Variants in AK4 observed in about 807,000 individuals in gnomAD.
The protein encoded by AK4 is adenylate kinase 4, also known as adenylate kinase 4, mitochondrial.
AK4 carries 13 observed loss-of-function variants against 24.6 expected under a neutral mutation model. The ratio of observed to expected loss-of-function variants is 0.53; its 90% CI spans 0.34 to 0.84. The LOEUF (loss-of-function observed/expected upper bound fraction) is 0.84, where lower values mean the gene tolerates loss of function less well. AK4 is among the 40% of genes least tolerant of loss of function. The pLI, the probability that AK4 is intolerant of heterozygous loss-of-function variation, is 0.01. For missense variants in AK4, 192 were observed against 288.2 expected (o/e 0.67, Z 2.42); for synonymous variants, 88 against 107.0 (o/e 0.82, Z 1.10).
intron 1 of AK4, among the ~76,000 whole-genome samples, chr1:65,182,150 G>A (rs1347835794): frequency 5.9e-5 from 9 of 152,102 alleles, no homozygotes; most frequent in East Asian, 5.8e-4. Context: ...CAAACTCCTG[G>A]CCTCAAGGGA....
intron 1 of AK4, among the ~76,000 whole-genome samples, chr1:65,179,562 G>T (rs796275287): frequency 5.3e-5 from 8 of 152,312 alleles, no homozygotes; most frequent in African/African-American, 1.9e-4. Flanking sequence ...GAATCGGCCA[G>T]GTGTGGTGGC....
intron 2 of AK4, among the ~76,000 whole-genome samples, chr1:65,218,320 C>T (rs569885722): frequency 6.6e-6 from 1 of 152,136 alleles, no homozygotes; most frequent in Non-Finnish European, 1.5e-5. Context: ...TGTAACTTGC[C>T]TGAGGTGACA....
At chr1:65,199,592 T>G (rs1053591487) in intron 2 of AK4, among the ~76,000 whole-genome samples, 3 of 152,112 alleles carry the variant, frequency 2.0e-5, no homozygotes, top group Non-Finnish European at 2.9e-5. Context: ...ACCAGATAAC[T>G]GTAACAGTGT....
chr1:65,166,174 A>G (rs969870156), intron 1 of AK4, among the ~76,000 whole-genome samples: 2 of 152,090 alleles, frequency 1.3e-5, no homozygotes, highest in Non-Finnish European at 2.9e-5. Context: ...GTCTGTGTAA[A>G]ATGCCTGGCA....
chr1:65,194,060 C>T (rs1651394463), intron 2 of AK4, among the ~76,000 whole-genome samples: 1 of 152,280 alleles, frequency 6.6e-6, no homozygotes, highest in East Asian at 1.9e-4. Flanking sequence ...CATTGCACTC[C>T]AGCCTGGATG....
At chr1:65,183,245 C>G (rs183560249) in intron 1 of AK4, among the ~76,000 whole-genome samples, 1 of 151,384 alleles carries the variant, frequency 6.6e-6, no homozygotes, top group Admixed American at 6.6e-5. Flanking sequence ...TTTATTTTTT[C>G]TTTCCTTTGT....
chr1:65,159,213 G>A (rs1487136104), intron 1 of AK4, among the ~76,000 whole-genome samples: 1 of 152,170 alleles, frequency 6.6e-6, no homozygotes, highest in Non-Finnish European at 1.5e-5. Flanking sequence ...TTGTGACTTG[G>A]TCATAACCAA....
At chr1:65,223,929 G>C (rs1461889796) in intron 3 of AK4, among the ~76,000 whole-genome samples, 1 of 152,114 alleles carries the variant, frequency 6.6e-6, no homozygotes, top group African/African-American at 2.4e-5. Flanking sequence ...GGAGGCGGAG[G>C]TTGCAGTGAG....
chr1:65,183,273 C>G (rs572581748), intron 1 of AK4, among the ~76,000 whole-genome samples: 5 of 151,572 alleles, frequency 3.3e-5, no homozygotes, highest in Non-Finnish European at 7.4e-5. Flanking sequence ...TGTTTTGAGT[C>G]AGAGTCTTGC....
intron 2 of AK4, among the ~76,000 whole-genome samples, chr1:65,202,578 G>T (rs1651694599): frequency 6.6e-6 from 1 of 152,082 alleles, no homozygotes; most frequent in Non-Finnish European, 1.5e-5. Context: ...GGTACAGGAT[G>T]AAATACTTCA....
At chr1:65,167,903 ATAAAT>A (rs1411258632) in intron 1 of AK4, among the ~76,000 whole-genome samples, 4 of 152,196 alleles carry the variant, frequency 2.6e-5, no homozygotes, top group East Asian at 3.8e-4. Context: ...TTGTTGTCAC[ATAAAT>A]TAAATCCGCT....
chr1:65,221,717 T>G (rs530961007), intron 3 of AK4, among the ~76,000 whole-genome samples: 1 of 152,248 alleles, frequency 6.6e-6, no homozygotes, highest in Non-Finnish European at 1.5e-5. Context: ...ATTTTGCATT[T>G]GTCCAGACCT....
rs1557444566 is a variant in AK4, at chr1:65,172,096, TA to T, written c.146-18613del. Among the ~76,000 whole-genome samples, 973 of 106,606 alleles carry T rather than the reference TA, an allele frequency of 9.1e-3. 24 individuals are homozygous for T. Among genetic ancestry groups the T allele is most frequent in the African/African-American group, 0.035 (918 of 26,192 alleles). 69.9% of individuals were successfully genotyped at this position (106,606 alleles called of 152,430 possible). ...ATATATATATATATATATATATATA[TA>T]TATATATTTAAACTCATTACACTTC... On this transcript the variant is annotated intron_variant, in intron 1 of 4. Transcript: ENST00000327299.
chr1:65,180,312 G>T (rs575119195), intron 1 of AK4, among the ~76,000 whole-genome samples: 3 of 152,280 alleles, frequency 2.0e-5, no homozygotes, highest in African/African-American at 7.2e-5. Flanking sequence ...GCTGGGCATG[G>T]TGGCATGCAC....
At chr1:65,193,150 T>C (rs1394848528) in intron 2 of AK4, among the ~76,000 whole-genome samples, 1 of 152,164 alleles carries the variant, frequency 6.6e-6, no homozygotes, top group Non-Finnish European at 1.5e-5. Flanking sequence ...CTGCAATAGA[T>C]TTCTGCCTGG....
chr1:65,221,007 G>A (rs1175970300), intron 3 of AK4, among the ~76,000 whole-genome samples: 2 of 152,032 alleles, frequency 1.3e-5, no homozygotes, highest in Admixed American at 1.3e-4. Context: ...AAGGCTAAAG[G>A]AATAAAAAGA....
In AK4 at chr1:65,230,267, C is replaced by G. The variant is rs1483734397; in HGVS notation, c.*4090C>G. 6.6e-6 allele frequency: 1 copy of G among 152,098 alleles called. No homozygotes were observed. The highest frequency in any genetic ancestry group is 1.5e-5 in the Non-Finnish European group (1 of 68,036). The allele number at this position is 152,098 out of a possible 1,614,324, so 9.4% of individuals were successfully genotyped here. A position where few individuals can be genotyped will look rare whatever the true frequency, so the allele number is the denominator to read the frequency against. On this transcript the variant is annotated 3_prime_UTR_variant, in exon 5 of 5. Transcript: ENST00000327299. ...CATCAGTGAGGAAGGATTCTTGGAG[C>G]GAGGAGCCACTGTGGTTTTTCCTGC...
At chr1:65,172,988 A>G (rs970391226) in intron 1 of AK4, among the ~76,000 whole-genome samples, 4 of 149,978 alleles carry the variant, frequency 2.7e-5, no homozygotes, top group Non-Finnish European at 4.4e-5. Flanking sequence ...TCAACCTCTC[A>G]GGTAGCTGGG....
intron 2 of AK4, among the ~76,000 whole-genome samples, chr1:65,198,485 A>G (rs1480505114): frequency 6.6e-6 from 1 of 152,212 alleles, no homozygotes; most frequent in African/African-American, 2.4e-5. Flanking sequence ...GTGACAGTGA[A>G]GAAGAATGTG....
Sources: gnomAD v4.1 joint callset for allele counts (sites outside exome capture counted in the v4.1 genomes callset) on GRCh38, gnomAD v4.1.1 for gene constraint, MANE v1.5 for transcripts, NCBI Gene and HGNC (gene_info 2026-07-23, HGNC 2026-07-21) for gene names.